NEDD4: variants seen among roughly 807,000 people sequenced by gnomAD.
NEDD4 encodes the protein E3 ubiquitin-protein ligase NEDD4.
Under a neutral mutation model 144.9 loss-of-function variants are expected in NEDD4, and 99 were observed. The observed-to-expected ratio is 0.68, with a 90% CI of 0.58 to 0.81. The LOEUF is 0.81. Ranked by LOEUF, NEDD4 falls within the 30% of genes least tolerant of loss-of-function variation. The pLI is 0.00. For synonymous variants in NEDD4, 318 were observed against 350.6 expected (o/e 0.91, Z 1.04); for missense variants, 985 against 1,065.9 (o/e 0.92, Z 1.06).
At chr15:55,978,433 C>A (rs2037741064) in intron 1 of NEDD4, among the ~76,000 whole-genome samples, 1 of 152,134 alleles carries the variant, frequency 6.6e-6, no homozygotes, top group African/African-American at 2.4e-5. Flanking sequence ...TTAGTCTTTT[C>A]CATCACTTTC....
At chr15:55,991,809 T>A (rs535646752) in intron 1 of NEDD4, 1 of 152,302 alleles carries the variant, frequency 6.6e-6, no homozygotes, top group East Asian at 1.9e-4. Flanking sequence ...ACTGCCACAA[T>A]TAGTTTTATT....
intron 4 of NEDD4, among the ~76,000 whole-genome samples, chr15:55,941,603 C>CA (rs1337913334): frequency 6.7e-6 from 1 of 149,416 alleles, no homozygotes; most frequent in African/African-American, 2.5e-5. Context: ...CTCACTCTGT[C>CA]ACCCAGGCTG....
chr15:55,923,659 A>AAAAAAAAATAT (rs546642962), intron 5 of NEDD4, among the ~76,000 whole-genome samples: 4 of 135,268 alleles, frequency 3.0e-5, no homozygotes, highest in African/African-American at 1.1e-4. Context: ...AAAAAAAAAA[A>AAAAAAAAATAT]ATATATATAT....
intron 1 of NEDD4, among the ~76,000 whole-genome samples, chr15:55,972,493 C>T (rs575366819): frequency 6.6e-6 from 1 of 152,134 alleles, no homozygotes; most frequent in African/African-American, 2.4e-5. Context: ...AATTGCAACC[C>T]TCATGTAACA....
intron 5 of NEDD4, among the ~76,000 whole-genome samples, chr15:55,877,242 T>C (rs894177046): frequency 5.3e-5 from 8 of 152,270 alleles, no homozygotes; most frequent in African/African-American, 1.9e-4. Context: ...TTAGTAGTCC[T>C]GTCTATTTAA....
At position 55,850,659 on chromosome 15, in the gene NEDD4, C is replaced by T; in HGVS notation, c.1230G>A (p.Gln410=). ...QSQASTSDSG[Q]QVTQPSEIEQ... ...CAATTTCAGATGGCTGGGTCACCTG[C>T]TGGCCTGAATCACTGGTGGAGGCTT... The change falls in exon 14 of 29, where the codon CAG becomes CAA. Residue 410 remains glutamine (Q), a synonymous_variant. Coordinates refer to ENST00000435532, the MANE Select transcript of NEDD4 (RefSeq NM_006154.4). The T allele has an allele frequency of 6.2e-7, 1 of 1,614,150 alleles. No homozygotes were observed. The highest frequency in any genetic ancestry group is 8.5e-7 in the Non-Finnish European group (1 of 1,180,026).
chr15:55,884,482 G>A (rs1251386781), intron 5 of NEDD4, among the ~76,000 whole-genome samples: 1 of 152,046 alleles, frequency 6.6e-6, no homozygotes, highest in Non-Finnish European at 1.5e-5. Context: ...CAGAAACAGA[G>A]ATATATGTGA....
intron 6 of NEDD4, among the ~76,000 whole-genome samples, 171 bp downstream of exon 6, chr15:55,873,787 G>T (rs979644200): frequency 6.6e-6 from 1 of 152,064 alleles, no homozygotes; most frequent in African/African-American, 2.4e-5. Flanking sequence ...ATCTTAAAGA[G>T]AAAATGGAAA....
At chr15:55,925,071 AAAAAC>A (rs1201539292) in intron 4 of NEDD4, among the ~76,000 whole-genome samples, 1 of 152,220 alleles carries the variant, frequency 6.6e-6, no homozygotes, top group Non-Finnish European at 1.5e-5. Context: ...CCATCTCAAG[AAAAAC>A]AAAACAAAAC....
intron 1 of NEDD4, among the ~76,000 whole-genome samples, chr15:55,973,804 T>A (rs1480923076): frequency 6.7e-6 from 1 of 150,196 alleles, no homozygotes; most frequent in Non-Finnish European, 1.5e-5. Flanking sequence ...CTTATAGCTA[T>A]AAGTACCTAC....
At chr15:55,988,530 A>G (rs2037935582) in intron 1 of NEDD4, among the ~76,000 whole-genome samples, 1 of 151,158 alleles carries the variant, frequency 6.6e-6, no homozygotes, top group African/African-American at 2.4e-5. Flanking sequence ...AATGTTACAG[A>G]TTAGAAGAGA....
chr15:55,945,375 T>C (rs547527275), intron 4 of NEDD4, among the ~76,000 whole-genome samples: 128 of 152,222 alleles, frequency 8.4e-4, no homozygotes, highest in Admixed American at 1.9e-3. Flanking sequence ...ATGCACAAGC[T>C]TCAGTAGCTG....
intron 4 of NEDD4, among the ~76,000 whole-genome samples, chr15:55,940,120 TACTG>T (rs1328381149): frequency 1.3e-5 from 2 of 152,096 alleles, no homozygotes; most frequent in African/African-American, 4.8e-5. Context: ...GAAGAACAAA[TACTG>T]ACTATCTTAC....
intron 4 of NEDD4, among the ~76,000 whole-genome samples, chr15:55,945,808 T>C (rs1222193550): frequency 1.3e-5 from 2 of 150,898 alleles, no homozygotes; most frequent in East Asian, 3.9e-4. Context: ...TAACAGCAAA[T>C]CTCTCAGCAG....
chr15:55,931,548 GA>G (rs1488831661), intron 4 of NEDD4, among the ~76,000 whole-genome samples: 3 of 151,948 alleles, frequency 2.0e-5, no homozygotes, highest in Non-Finnish European at 2.9e-5. Flanking sequence ...CAGACTTATT[GA>G]AAAAAAGGAT....
intron 5 of NEDD4, among the ~76,000 whole-genome samples, chr15:55,891,586 T>C (rs1395205906): frequency 6.6e-6 from 1 of 152,214 alleles, no homozygotes; most frequent in Non-Finnish European, 1.5e-5. Context: ...TTTGGTATAA[T>C]ATAAGTAATT....
At chr15:55,875,172 A>AGGAC (rs2034951680) in intron 5 of NEDD4, among the ~76,000 whole-genome samples, 1 of 152,198 alleles carries the variant, frequency 6.6e-6, no homozygotes, top group Non-Finnish European at 1.5e-5. Context: ...TCATGGAATA[A>AGGAC]GCAGACAAGG....
Position 55,834,409 on chromosome 15 carries a change from G to T in NEDD4, c.2263-123C>A, listed in dbSNP as rs150444960. The stretch of plus-strand genomic sequence containing the variant: ...CAAGTTTCTACCACTACACAATCAC[G>T]GGCTCTTCACTGAGATCTCAATATT... On this transcript the variant is annotated intron_variant, in intron 24 of 28. Coordinates refer to ENST00000435532, the MANE Select transcript of NEDD4 (RefSeq NM_006154.4). 3 of 635,470 alleles carry T rather than the reference G, an allele frequency of 4.7e-6. No homozygotes were observed. The African/African-American group carries it at 5.5e-5, about 12-fold the overall frequency. The allele number at this position is 635,470 out of a possible 1,614,324, so 39.4% of individuals were successfully genotyped here.
intron 14 of NEDD4, among the ~76,000 whole-genome samples, chr15:55,850,096 C>A (rs1337030692): frequency 6.6e-6 from 1 of 152,166 alleles, no homozygotes. Context: ...CTGCACCCGG[C>A]CTTTAGGTAA....
Sources: gnomAD v4.1 joint callset for allele counts (sites outside exome capture counted in the v4.1 genomes callset) on GRCh38, gnomAD v4.1.1 for gene constraint, MANE v1.5 for transcripts, NCBI Gene and HGNC (gene_info 2026-07-23, HGNC 2026-07-21) for gene names.